NME8: variants seen among roughly 807,000 people sequenced by gnomAD.
The protein encoded by NME8 is protein NME8.
Under a neutral mutation model 82.3 loss-of-function variants are expected in NME8, and 72 were observed. That is an observed-to-expected ratio of 0.87 (90% CI 0.72 to 1.06). NME8 has a LOEUF of 1.06. NME8 is among the 50% of genes least tolerant of loss of function. The pLI, the probability that NME8 is intolerant of heterozygous loss-of-function variation, is 0.00. For missense variants in NME8, 712 were observed against 685.4 expected, an observed-to-expected ratio of 1.04 and a Z score of -0.43; for synonymous variants, 267 against 228.5, an observed-to-expected ratio of 1.17 and a Z score of -1.52.
At chr7:37,878,068 A>C (rs1784884595) in intron 12 of NME8, among the ~76,000 whole-genome samples, 1 of 152,206 alleles carries the variant, frequency 6.6e-6, no homozygotes, top group Non-Finnish European at 1.5e-5. Context: ...ATCTTATAGC[A>C]AAAGCATTTG....
intron 9 of NME8, 87 bp downstream of exon 9, chr7:37,864,508 A>T (rs1784647811): frequency 1.3e-5 from 17 of 1,332,028 alleles, no homozygotes; most frequent in Non-Finnish European, 1.7e-5. Context: ...TACCATTTAG[A>T]GTGAAATAGA....
chr7:37,856,156 C>T (rs924672544), intron 5 of NME8, among the ~76,000 whole-genome samples: 4 of 152,146 alleles, frequency 2.6e-5, no homozygotes. Context: ...TTGCACTGAA[C>T]ACAATGAAAA....
In NME8 at chr7:37,888,277, T is replaced by C; in HGVS notation, c.1248T>C (p.Ser416=). The change falls in exon 15 of 18, where the codon AGT becomes AGC. Residue 416 remains serine (S), a splice_region_variant and synonymous_variant. Transcript: ENST00000199447. ...VEEAIEYFPE[S]LCAQFAMDSL... ...TTTAAACCTGACTTCTTTTTCAAAG[T>C]TTATGTGCACAGTTTGCGATGGACA... 1 of 1,613,434 alleles carries C rather than the reference T, an allele frequency of 6.2e-7. No individual in the cohort carries two copies. The highest frequency in any genetic ancestry group is 8.5e-7 in the Non-Finnish European group (1 of 1,179,552).
At chr7:37,854,579 C>G (rs951834564) in intron 5 of NME8, among the ~76,000 whole-genome samples, 5 of 152,110 alleles carry the variant, frequency 3.3e-5, no homozygotes, top group African/African-American at 1.2e-4. Flanking sequence ...TAGAAGGGTC[C>G]ATGTCATAAA....
At chr7:37,860,676 C>G (rs1275738271) in intron 6 of NME8, among the ~76,000 whole-genome samples, 1 of 152,130 alleles carries the variant, frequency 6.6e-6, no homozygotes, top group African/African-American at 2.4e-5. Flanking sequence ...ATCAATAAAT[C>G]ACGTTTACAT....
intron 17 of NME8, among the ~76,000 whole-genome samples, chr7:37,897,601 T>C (rs1785249848): frequency 6.6e-6 from 1 of 152,158 alleles, no homozygotes; most frequent in Middle Eastern, 3.2e-3. Flanking sequence ...GTTTGTTGCA[T>C]AGGTATATGT....
At chr7:37,853,505 T>C (rs571493143) in intron 5 of NME8, among the ~76,000 whole-genome samples, 1 of 152,158 alleles carries the variant, frequency 6.6e-6, no homozygotes, top group Non-Finnish European at 1.5e-5. Flanking sequence ...ATCACAAGTG[T>C]CTAACAGCTG....
intron 5 of NME8, among the ~76,000 whole-genome samples, chr7:37,854,521 G>A (rs1428977402): frequency 1.3e-5 from 2 of 152,096 alleles, no homozygotes; most frequent in East Asian, 3.9e-4. Context: ...TTTCTATGTG[G>A]TACCAATCCT....
At chr7:37,894,155 A>T (rs1785179218) in intron 15 of NME8, among the ~76,000 whole-genome samples, 1 of 152,158 alleles carries the variant, frequency 6.6e-6, no homozygotes, top group East Asian at 1.9e-4. Flanking sequence ...CATTTGTAGT[A>T]TGAAGGTGAA....
chr7:37,899,444 G>T (rs574223926), intron 17 of NME8, among the ~76,000 whole-genome samples: 1 of 151,942 alleles, frequency 6.6e-6, no homozygotes, highest in African/African-American at 2.4e-5. Flanking sequence ...ACCAAACACC[G>T]CATGTTCTCA....
At chr7:37,849,880 A>AC (rs201447667) in intron 2 of NME8, among the ~76,000 whole-genome samples, 39,855 of 149,706 alleles carry the variant, frequency 0.27, 5,520 homozygotes, top group African/African-American at 0.34. Flanking sequence ...AAAAAAAAAA[A>AC]AAAAAAAAAA....
At position 37,894,332 on chromosome 7, in the gene NME8, G is replaced by A. The variant is rs143215023; in HGVS notation, c.1400-134G>A. On this transcript the variant is annotated intron_variant, in intron 15 of 17. Coordinates refer to ENST00000199447, the MANE Select transcript of NME8 (RefSeq NM_016616.5). ...TTTGGTGCTTTGGAATTTTAATTTC[G>A]TTTGGCAGAGTTTTGCCATGTTAAA... The A allele has an allele frequency of 2.8e-4, 245 of 869,284 alleles. No homozygotes were observed. In the African/African-American group the frequency reaches 3.4e-3, roughly 12 times the overall value. 53.8% of individuals were successfully genotyped at this position (869,284 alleles called of 1,614,324 possible). A position where few individuals can be genotyped will look rare whatever the true frequency, so the allele number is the denominator to read the frequency against.
intron 16 of NME8, among the ~76,000 whole-genome samples, chr7:37,895,064 G>T (rs1785202051): frequency 1.3e-5 from 2 of 152,140 alleles, no homozygotes; most frequent in Non-Finnish European, 2.9e-5. Context: ...CTTGTTGGCA[G>T]GGCTACATAA....
intron 13 of NME8, 79 bp from the exon 14 acceptor site, chr7:37,885,066 A>G: frequency 1.2e-6 from 1 of 818,210 alleles, no homozygotes; most frequent in Admixed American, 1.9e-5. Flanking sequence ...ATTTAACAAT[A>G]TGCATTTGTA....
chr7:37,875,143 A>G (rs1388111442), intron 11 of NME8, among the ~76,000 whole-genome samples: 1 of 152,184 alleles, frequency 6.6e-6, no homozygotes, highest in Non-Finnish European at 1.5e-5. Context: ...TATTCAACAT[A>G]TCAATATCAT....
intron 9 of NME8, among the ~76,000 whole-genome samples, 166 bp from the exon 10 acceptor site, chr7:37,865,359 T>C (rs780722254): frequency 5.3e-5 from 8 of 152,238 alleles, no homozygotes; most frequent in Admixed American, 2.0e-4. Context: ...ATCTTAAAGT[T>C]TGTATATTTT....
Position 37,882,611 on chromosome 7 carries a change from GAGAGAA to G in NME8, c.995-1688_995-1683del, listed in dbSNP as rs1265236232. On this transcript the variant is annotated intron_variant, in intron 12 of 17. Transcript: ENST00000199447. ...AGAAAGAAAGAAAGAGAGAGAGAGA[GAGAGAA>G]AGAAAGAAAGAAAGAAAGAAAGAAA... is the stretch of plus-strand genomic sequence containing the variant. Among the ~76,000 whole-genome samples, 188 of 49,204 alleles carry G rather than the reference GAGAGAA, an allele frequency of 3.8e-3. 3 individuals are homozygous for G. Among genetic ancestry groups the G allele is most frequent in the African/African-American group, 7.5e-3 (164 of 21,820 alleles). The allele number at this position is 49,204 out of a possible 152,430, so 32.3% of individuals were successfully genotyped here.
chr7:37,875,990 A>C (rs1784841616), intron 11 of NME8, among the ~76,000 whole-genome samples: 2 of 152,128 alleles, frequency 1.3e-5, no homozygotes, highest in South Asian at 4.1e-4. Context: ...GGCTGATCAC[A>C]AGGTCAGGAG....
At chr7:37,893,816 T>C (rs1785173719) in intron 15 of NME8, among the ~76,000 whole-genome samples, 1 of 152,130 alleles carries the variant, frequency 6.6e-6, no homozygotes, top group East Asian at 1.9e-4. Flanking sequence ...GTGCCTGTCT[T>C]AGGGCAGATC....
Sources: gnomAD v4.1 joint callset for allele counts (sites outside exome capture counted in the v4.1 genomes callset) on GRCh38, gnomAD v4.1.1 for gene constraint, MANE v1.5 for transcripts, NCBI Gene and HGNC (gene_info 2026-07-23, HGNC 2026-07-21) for gene names.